The following RNF4 variants were observed in gnomAD, a reference collection of about 807,000 sequenced individuals.
RNF4 encodes the protein E3 ubiquitin-protein ligase RNF4.
Under a neutral mutation model 24.3 loss-of-function variants are expected in RNF4, and 7 were observed. The observed-to-expected ratio is 0.29, with a 90% CI of 0.16 to 0.54. The LOEUF (loss-of-function observed/expected upper bound fraction) is 0.54. Ranked by LOEUF, RNF4 falls within the 20% of genes least tolerant of loss-of-function variation. The probability of loss-of-function intolerance (pLI) is 0.95; values close to 1 mark genes in which losing one functional copy is unlikely to be tolerated. For missense variants in RNF4, 209 were observed against 248.5 expected (o/e 0.84, Z 1.07); for synonymous variants, 83 against 84.3 (o/e 0.98, Z 0.09).
intron 2 of RNF4, among the ~76,000 whole-genome samples, chr4:2,493,800 CA>C (rs1735651718): frequency 6.9e-6 from 1 of 143,960 alleles, no homozygotes; most frequent in African/African-American, 2.6e-5. Context: ...TATACGAGGA[CA>C]AAGGACATTG....
At chr4:2,502,246 CCA>C (rs1379342834) in intron 4 of RNF4, among the ~76,000 whole-genome samples, 2 of 152,166 alleles carry the variant, frequency 1.3e-5, no homozygotes, top group Non-Finnish European at 2.9e-5. Context: ...TCAGTGTTCA[CCA>C]CAGTCTTCTT....
intron 4 of RNF4, among the ~76,000 whole-genome samples, chr4:2,508,368 C>T (rs1390407096): frequency 6.6e-6 from 1 of 152,164 alleles, no homozygotes; most frequent in Non-Finnish European, 1.5e-5. Flanking sequence ...TCCCTCTGCA[C>T]CTATCTTCTG....
chr4:2,495,296 G>A (rs959154207), intron 2 of RNF4, among the ~76,000 whole-genome samples: 1 of 152,174 alleles, frequency 6.6e-6, no homozygotes, highest in Admixed American at 6.5e-5. Flanking sequence ...GCCTAGCGAG[G>A]GCTTGGCTGG....
At position 2,515,117 on chromosome 4, in the gene RNF4, C is replaced by G. The variant is rs1335705828; in HGVS notation, c.*1298C>G. Reference sequence around the variant, plus strand: ...GGCATGCCTCCTCTTCCACTGTCGTCCTTCCTCAGAGGGCCTCACGCCAAA... The same window carrying G: ...GGCATGCCTCCTCTTCCACTGTCGTGCTTCCTCAGAGGGCCTCACGCCAAA... On this transcript the variant is annotated 3_prime_UTR_variant, in exon 8 of 8. Coordinates refer to ENST00000314289, the MANE Select transcript of RNF4 (RefSeq NM_002938.5). 7 of 152,684 alleles carry G rather than the reference C, an allele frequency of 4.6e-5. No homozygotes were observed. Among genetic ancestry groups the G allele is most frequent in the African/African-American group, 1.7e-4 (7 of 41,458 alleles). The allele number at this position is 152,684 out of a possible 1,614,324, so 9.5% of individuals were successfully genotyped here.
intron 1 of RNF4, among the ~76,000 whole-genome samples, chr4:2,471,990 C>G (rs1039233821): frequency 6.6e-6 from 1 of 152,120 alleles, no homozygotes; most frequent in African/African-American, 2.4e-5. Context: ...GGTGGCCACA[C>G]TAAACAACAG....
chr4:2,478,054 T>A (rs1305342349), intron 1 of RNF4, among the ~76,000 whole-genome samples: 1 of 152,180 alleles, frequency 6.6e-6, no homozygotes. Flanking sequence ...AGGAACTTGT[T>A]GGGAACTGGA....
In RNF4 at chr4:2,490,342, G is replaced by A; in HGVS notation, c.-152G>A. The A allele has an allele frequency of 1.5e-6, 1 of 668,120 alleles. No homozygotes were observed. Among genetic ancestry groups the A allele is most frequent in the Non-Finnish European group, 2.5e-6 (1 of 394,434 alleles). The allele number at this position is 668,120 out of a possible 1,614,324, so 41.4% of individuals were successfully genotyped here. A position where few individuals can be genotyped will look rare whatever the true frequency, so the allele number is the denominator to read the frequency against. ...TTAATATCTTTGTTTTTCAGGACTTGAAAATACTGGAAATCTGTCCGGATC... is the reference window on the plus strand; with the variant it reads ...TTAATATCTTTGTTTTTCAGGACTTAAAAATACTGGAAATCTGTCCGGATC... On this transcript the variant is annotated 5_prime_UTR_variant, in exon 2 of 8. Transcript: ENST00000314289.
chr4:2,511,295 C>T (rs1366969757), intron 4 of RNF4, among the ~76,000 whole-genome samples: 2 of 98,314 alleles, frequency 2.0e-5, no homozygotes, highest in African/African-American at 8.2e-5. Flanking sequence ...CCAGGTCTTG[C>T]AGTCAGCACA....
At chr4:2,480,994 T>C (rs1052060057) in intron 1 of RNF4, 1 of 152,208 alleles carries the variant, frequency 6.6e-6, no homozygotes, top group Non-Finnish European at 1.5e-5. Flanking sequence ...TGAGAAATAT[T>C]AGGTGAACGC....
At chr4:2,477,885 T>C in intron 1 of RNF4, among the ~76,000 whole-genome samples, 1 of 152,124 alleles carries the variant, frequency 6.6e-6, no homozygotes, top group Non-Finnish European at 1.5e-5. Context: ...TGCAACTGGG[T>C]AGCAGGCAGG....
intron 1 of RNF4, among the ~76,000 whole-genome samples, chr4:2,477,352 C>A (rs1323565459): frequency 6.6e-6 from 1 of 151,930 alleles, no homozygotes; most frequent in Non-Finnish European, 1.5e-5. Flanking sequence ...TTTGGGAGGC[C>A]AAGGCGGGCG....
intron 4 of RNF4, among the ~76,000 whole-genome samples, chr4:2,503,233 TC>T (rs931503654): frequency 2.0e-5 from 3 of 152,146 alleles, no homozygotes; most frequent in Non-Finnish European, 4.4e-5. Context: ...TCTCTGAACT[TC>T]CCTACCTTTC....
intron 3 of RNF4, chr4:2,499,334 C>G: frequency 2.2e-6 from 1 of 448,130 alleles, no homozygotes; most frequent in Non-Finnish European, 4.5e-6. Context: ...TCTTGTTGCC[C>G]AGGCTGGGGT....
intron 1 of RNF4, among the ~76,000 whole-genome samples, chr4:2,471,616 C>G (rs1162713242): frequency 6.6e-6 from 1 of 152,152 alleles, no homozygotes; most frequent in African/African-American, 2.4e-5. Flanking sequence ...TGACAGTTAG[C>G]CAAGTTGTGA....
intron 1 of RNF4, among the ~76,000 whole-genome samples, chr4:2,476,704 CTTTT>C (rs72435381): frequency 7.5e-4 from 102 of 136,544 alleles, no homozygotes; most frequent in Non-Finnish European, 1.4e-3. Context: ...TTCTTTCTTT[CTTTT>C]TTTTTTTTTT....
At chr4:2,472,946 A>G (rs1380320291) in intron 1 of RNF4, among the ~76,000 whole-genome samples, 2 of 152,128 alleles carry the variant, frequency 1.3e-5, no homozygotes, top group African/African-American at 4.8e-5. Context: ...AGGCTGAGGC[A>G]GGAGAATGGT....
intron 3 of RNF4, among the ~76,000 whole-genome samples, chr4:2,498,112 G>A (rs1335157485): frequency 1.3e-5 from 2 of 152,158 alleles, no homozygotes; most frequent in African/African-American, 2.4e-5. Flanking sequence ...ACTGCTTTCC[G>A]TCATGGCACT....
chr4:2,508,252 C>T (rs1736160516), intron 4 of RNF4, among the ~76,000 whole-genome samples: 1 of 152,310 alleles, frequency 6.6e-6, no homozygotes, highest in South Asian at 2.1e-4. Flanking sequence ...TGGTTTTTCA[C>T]TTATCTTAAA....
intron 1 of RNF4, among the ~76,000 whole-genome samples, chr4:2,488,757 C>T (rs536279115): frequency 4.7e-4 from 72 of 152,288 alleles, no homozygotes; most frequent in African/African-American, 1.5e-3. Flanking sequence ...AAGTTCAATG[C>T]CATGCCCCAA....
Sources: allele counts gnomAD v4.1 joint callset (sites outside exome capture counted in the v4.1 genomes callset), GRCh38; gene constraint gnomAD v4.1.1; transcripts MANE v1.5; gene names NCBI Gene and HGNC (gene_info 2026-07-23, HGNC 2026-07-21).